The following PRKN variants were observed in gnomAD, a reference collection of about 807,000 sequenced individuals.
PRKN encodes the protein parkin RBR E3 ubiquitin protein ligase.
In PRKN, 56 loss-of-function variants were observed where a neutral mutation model predicts 59.5. That is an observed-to-expected ratio of 0.94 (90% CI 0.76 to 1.18). PRKN has a LOEUF of 1.18. PRKN is among the 50% of genes most tolerant of loss of function. The probability of loss-of-function intolerance (pLI) is 0.00; values close to 1 mark genes in which losing one functional copy is unlikely to be tolerated. For missense variants in PRKN, 657 were observed against 596.4 expected, an observed-to-expected ratio of 1.10 and a Z score of -1.06; for synonymous variants, 250 against 222.1, an observed-to-expected ratio of 1.13 and a Z score of -1.12.
chr6:162,677,063 CAA>C (rs536705591), intron 1 of PRKN, among the ~76,000 whole-genome samples: 36,942 of 90,004 alleles, frequency 0.41, 4,916 homozygotes, highest in Non-Finnish European at 0.44. Flanking sequence ...ACATCTCAAT[CAA>C]AAAAAAAAAA....
rs1158137135 is a variant in PRKN, at chr6:161,560,731, T to C, written c.933+8624A>G. On this transcript the variant is annotated intron_variant, in intron 8 of 11. Transcript: ENST00000366898. This position sits in a 1 kb window ranked among gnomAD's most constrained non-coding sequence, Gnocchi z 4.9. ...GTCTCTTTCTGATGATCACCTCTTA[T>C]CTTTCCAAATCTCTTGCTAAAGTAT... Among the ~76,000 whole-genome samples the C allele has an allele frequency of 6.6e-6, 1 of 152,196 alleles. No homozygotes were observed. Among genetic ancestry groups the C allele is most frequent in the African/African-American group, 2.4e-5 (1 of 41,456 alleles).
intron 7 of PRKN, among the ~76,000 whole-genome samples, chr6:161,662,733 G>A: frequency 6.6e-6 from 1 of 152,124 alleles, no homozygotes; most frequent in Non-Finnish European, 1.5e-5. Flanking sequence ...TGAAACCCAA[G>A]GTTTCAGAGC....
chr6:162,153,521 A>G (rs1036119336), intron 4 of PRKN, among the ~76,000 whole-genome samples: 2 of 152,164 alleles, frequency 1.3e-5, no homozygotes, highest in African/African-American at 2.4e-5. Context: ...TCCCTCTGCC[A>G]GTGAGGGCAA....
chr6:162,334,318 T>C (rs1783730842), intron 2 of PRKN, among the ~76,000 whole-genome samples: 2 of 152,230 alleles, frequency 1.3e-5, no homozygotes, highest in Non-Finnish European at 2.9e-5. Context: ...GAAAAGTCAA[T>C]GCATGGCTTC....
At chr6:162,462,187 A>G (rs1791210251) in intron 1 of PRKN, among the ~76,000 whole-genome samples, 2 of 152,204 alleles carry the variant, frequency 1.3e-5, no homozygotes, top group Admixed American at 1.3e-4. Context: ...TCATCTTTCA[A>G]TATTAAGACA....
chr6:161,588,352 C>T lies in PRKN; in HGVS notation c.872-18936G>A, dbSNP rs1208249456. On this transcript the variant is annotated intron_variant, in intron 7 of 11. Coordinates refer to ENST00000366898, the MANE Select transcript of PRKN (RefSeq NM_004562.3). This position sits in a 1 kb window ranked among gnomAD's most constrained non-coding sequence, Gnocchi z 5.0. Reference sequence around the variant, plus strand: ...CCGAAGAGGCGCCACTGCATTCCAGCCTGGGCAACAAGAGCGAAACTCTGT... The same window carrying T: ...CCGAAGAGGCGCCACTGCATTCCAGTCTGGGCAACAAGAGCGAAACTCTGT... Among the ~76,000 whole-genome samples the T allele has an allele frequency of 6.6e-6, 1 of 150,750 alleles. No individual in the cohort carries two copies. The highest frequency in any genetic ancestry group is 1.5e-5 in the Non-Finnish European group (1 of 67,908).
chr6:161,732,189 C>T (rs899423188), intron 7 of PRKN, among the ~76,000 whole-genome samples: 5 of 151,614 alleles, frequency 3.3e-5, no homozygotes, highest in South Asian at 2.1e-4. Flanking sequence ...TGGGTTCAAG[C>T]GATTCTCCTG....
At position 161,461,003 on chromosome 6, in the gene PRKN, T is replaced by C. The variant is rs1297404691; in HGVS notation, c.1084-74126A>G. Among the ~76,000 whole-genome samples, 2 of 152,028 alleles carry C rather than the reference T, an allele frequency of 1.3e-5. No homozygotes were observed. The highest frequency in any genetic ancestry group is 1.9e-4 in the East Asian group (1 of 5,184). ...TGATCACCTGACCTCATGATCTGCC[T>C]GCCTTGGCTTCCCAAAGTACTGGGA... On this transcript the variant is annotated intron_variant, in intron 9 of 11. Transcript: ENST00000366898. This position sits in a 1 kb window ranked among gnomAD's most constrained non-coding sequence, Gnocchi z 5.1.
chr6:162,280,706 G>T (rs149543361), intron 2 of PRKN, among the ~76,000 whole-genome samples: 3 of 143,644 alleles, frequency 2.1e-5, no homozygotes, highest in African/African-American at 5.2e-5. Flanking sequence ...GAGGAGAACT[G>T]CTTGAACTGA....
intron 1 of PRKN, among the ~76,000 whole-genome samples, chr6:162,650,319 C>T (rs1379157203): frequency 2.6e-5 from 4 of 152,016 alleles, no homozygotes; most frequent in Admixed American, 1.3e-4. Flanking sequence ...CTCTGCCGGC[C>T]GGGCGCGGTG....
intron 9 of PRKN, among the ~76,000 whole-genome samples, chr6:161,436,780 T>C (rs1024712710): frequency 4.6e-5 from 7 of 152,124 alleles, no homozygotes; most frequent in African/African-American, 1.7e-4. Flanking sequence ...CTCCTGGCTA[T>C]TGAAATGTCT....
chr6:162,533,252 G>A (rs1375594352), intron 1 of PRKN, among the ~76,000 whole-genome samples: 5 of 152,156 alleles, frequency 3.3e-5, no homozygotes, highest in African/African-American at 1.2e-4. Flanking sequence ...GGCTGGGCGC[G>A]GTGGCTCACG....
At chr6:162,453,571 T>TTC (rs1335659202) in intron 1 of PRKN, among the ~76,000 whole-genome samples, 1 of 152,036 alleles carries the variant, frequency 6.6e-6, no homozygotes, top group East Asian at 1.9e-4. Context: ...GTCACACAGT[T>TTC]TCTCTCTCTC....
intron 4 of PRKN, among the ~76,000 whole-genome samples, chr6:162,063,310 G>T (rs1183031328): frequency 6.6e-6 from 1 of 152,106 alleles, no homozygotes; most frequent in South Asian, 2.1e-4. Flanking sequence ...CAAAAACCTT[G>T]AACAGGCTAT....
At chr6:161,884,767 T>A (rs1795068454) in intron 6 of PRKN, among the ~76,000 whole-genome samples, 1 of 152,148 alleles carries the variant, frequency 6.6e-6, no homozygotes, top group Non-Finnish European at 1.5e-5. Context: ...AGACGGGTTA[T>A]CCATGTGTAG....
chr6:161,598,228 T>C (rs1465136128), intron 7 of PRKN, among the ~76,000 whole-genome samples: 3 of 152,272 alleles, frequency 2.0e-5, no homozygotes, highest in East Asian at 3.9e-4. Flanking sequence ...GAAACAAGTA[T>C]GTGACATTTA....
chr6:162,129,432 C>CCCCTAACTAGTAATTAAG (rs1296204311), intron 4 of PRKN, among the ~76,000 whole-genome samples: 1 of 152,044 alleles, frequency 6.6e-6, no homozygotes, highest in Non-Finnish European at 1.5e-5. Flanking sequence ...ATAGATGAGG[C>CCCCTAACTAGTAATTAAG]AGAACTAATA....
intron 7 of PRKN, among the ~76,000 whole-genome samples, chr6:161,583,709 T>C (rs1347079166): frequency 2.0e-5 from 3 of 152,180 alleles, no homozygotes; most frequent in African/African-American, 7.2e-5. Context: ...GGATGTTGCA[T>C]CATACTATGC....
At chr6:162,667,023 T>TCTG (rs1779129038) in intron 1 of PRKN, among the ~76,000 whole-genome samples, 1 of 152,132 alleles carries the variant, frequency 6.6e-6, no homozygotes, top group South Asian at 2.1e-4. Flanking sequence ...ACTGCTAAAC[T>TCTG]CTAATTACTT....
Sources: allele counts gnomAD v4.1 joint callset (sites outside exome capture counted in the v4.1 genomes callset), GRCh38; gene constraint gnomAD v4.1.1; non-coding constraint Gnocchi (gnomAD v3.1); transcripts MANE v1.5; gene names NCBI Gene and HGNC (gene_info 2026-07-23, HGNC 2026-07-21).